MYO1D: variants seen among roughly 807,000 people sequenced by gnomAD.
MYO1D encodes unconventional myosin-Id.
A neutral mutation model predicts 122.0 loss-of-function variants in MYO1D; 83 were observed. The observed-to-expected ratio is 0.68, with a 90% confidence interval of 0.57 to 0.82. The LOEUF (loss-of-function observed/expected upper bound fraction) is 0.82, where lower values mean the gene tolerates loss of function less well. MYO1D is among the 40% of genes least tolerant of loss of function. The probability of loss-of-function intolerance (pLI) is 0.00; values close to 1 mark genes in which losing one functional copy is unlikely to be tolerated. For missense variants in MYO1D, 1,157 were observed against 1,269.5 expected (o/e 0.91, Z 1.35); for synonymous variants, 464 against 446.9 (o/e 1.04, Z -0.48).
intron 21 of MYO1D, among the ~76,000 whole-genome samples, chr17:32,540,497 A>G (rs1214071653): frequency 2.6e-5 from 4 of 152,174 alleles, no homozygotes; most frequent in African/African-American, 7.2e-5. Flanking sequence ...ATCTAAATAG[A>G]TATTTTTAAA....
chr17:32,559,834 C>T (rs1170447887), intron 21 of MYO1D, among the ~76,000 whole-genome samples: 1 of 152,106 alleles, frequency 6.6e-6, no homozygotes, highest in Non-Finnish European at 1.5e-5. Flanking sequence ...TCAATTATAT[C>T]CATTCCCAGC....
At chr17:32,770,950 T>C (rs963569342) in intron 6 of MYO1D, among the ~76,000 whole-genome samples, 175 bp downstream of exon 6, 1 of 152,212 alleles carries the variant, frequency 6.6e-6, no homozygotes, top group Non-Finnish European at 1.5e-5. Context: ...TTAAGCAAAG[T>C]TGTTGATTCA....
intron 16 of MYO1D, among the ~76,000 whole-genome samples, chr17:32,697,165 G>A (rs961719762): frequency 1.3e-5 from 2 of 152,172 alleles, no homozygotes; most frequent in Non-Finnish European, 2.9e-5. Context: ...TCTGCCCCCT[G>A]GCTGGGTTGT....
intron 1 of MYO1D, chr17:32,862,812 A>G (rs2091089089): frequency 6.6e-6 from 1 of 152,244 alleles, no homozygotes; most frequent in Non-Finnish European, 1.5e-5. Flanking sequence ...CATTACAGTG[A>G]TAGTCCATTT....
intron 16 of MYO1D, among the ~76,000 whole-genome samples, chr17:32,700,060 T>A (rs571866931): frequency 5.3e-4 from 81 of 152,196 alleles, no homozygotes; most frequent in East Asian, 9.6e-4. Flanking sequence ...TTTAAAAAAA[T>A]TTTTTTAAAC....
At chr17:32,548,404 G>T (rs1324661992) in intron 21 of MYO1D, among the ~76,000 whole-genome samples, 2 of 151,630 alleles carry the variant, frequency 1.3e-5, no homozygotes, top group African/African-American at 2.4e-5. Flanking sequence ...CTCCAGCCTG[G>T]GTGACAGAGC....
chr17:32,804,159 T>G (rs376031613), intron 1 of MYO1D, among the ~76,000 whole-genome samples: 2 of 152,302 alleles, frequency 1.3e-5, no homozygotes, highest in South Asian at 2.1e-4. Flanking sequence ...CCTGTATACT[T>G]TAAATCATCT....
Position 32,632,830 on chromosome 17 carries a change from C to G in MYO1D, c.2709+5892G>C, listed in dbSNP as rs566845427. On this transcript the variant is annotated intron_variant, in intron 20 of 21. Transcript: ENST00000318217. ...TACCTTTGTCCAACAGTAATCAAAA[C>G]AGTAACTGGCACAAGGATATCTAAC... 3.3e-5 allele frequency among the ~76,000 whole-genome samples: 5 copies of G among 152,062 alleles called. No homozygotes were observed. In the East Asian group the frequency reaches 9.7e-4, roughly 29 times the overall value.
At chr17:32,848,866 A>G (rs2090960801) in intron 1 of MYO1D, among the ~76,000 whole-genome samples, 1 of 152,174 alleles carries the variant, frequency 6.6e-6, no homozygotes, top group Admixed American at 6.5e-5. Flanking sequence ...AATAAGCCAC[A>G]TTGTAATAAA....
chr17:32,840,726 A>G (rs1283989219), intron 1 of MYO1D, among the ~76,000 whole-genome samples: 1 of 152,204 alleles, frequency 6.6e-6, no homozygotes, highest in African/African-American at 2.4e-5. Context: ...ACAGAGAGAA[A>G]GATGATTTCA....
intron 21 of MYO1D, among the ~76,000 whole-genome samples, chr17:32,569,266 A>G (rs1011092347): frequency 6.6e-6 from 1 of 152,180 alleles, no homozygotes; most frequent in Admixed American, 6.5e-5. Flanking sequence ...CAATGGGCAT[A>G]TTTCACTTCC....
intron 21 of MYO1D, among the ~76,000 whole-genome samples, chr17:32,525,452 G>GT (rs377722965): frequency 1.9e-3 from 267 of 143,090 alleles, no homozygotes; most frequent in Middle Eastern, 3.7e-3. Flanking sequence ...AATTCCTTGG[G>GT]TTTTTTTTTT....
intron 21 of MYO1D, among the ~76,000 whole-genome samples, chr17:32,524,241 C>T (rs967943213): frequency 6.6e-6 from 1 of 152,170 alleles, no homozygotes; most frequent in Non-Finnish European, 1.5e-5. Flanking sequence ...TTGCTTTTGT[C>T]TTTGGTGGAG....
chr17:32,616,621 G>GT (rs751691568), intron 20 of MYO1D, among the ~76,000 whole-genome samples: 4 of 152,002 alleles, frequency 2.6e-5, no homozygotes, highest in Non-Finnish European at 4.4e-5. Flanking sequence ...TGGTTGGCTG[G>GT]TAAGTGCATT....
At chr17:32,778,102 G>A (rs940328095) in intron 3 of MYO1D, among the ~76,000 whole-genome samples, 1 of 152,166 alleles carries the variant, frequency 6.6e-6, no homozygotes, top group African/African-American at 2.4e-5. Flanking sequence ...CAAGGAACCT[G>A]TGAGAGTTTG....
At chr17:32,619,834 G>C (rs971076327) in intron 20 of MYO1D, among the ~76,000 whole-genome samples, 2 of 152,058 alleles carry the variant, frequency 1.3e-5, no homozygotes, top group Admixed American at 6.6e-5. Flanking sequence ...AATAAAAAAA[G>C]ATTATTCACT....
intron 4 of MYO1D, among the ~76,000 whole-genome samples, chr17:32,773,549 G>A (rs1036743413): frequency 2.1e-4 from 2 of 9,588 alleles, no homozygotes; most frequent in South Asian, 3.2e-3. Flanking sequence ...CCCCGACCCC[G>A]GCCCATGTCT....
intron 1 of MYO1D, among the ~76,000 whole-genome samples, chr17:32,809,143 A>AAAC (rs1555544319): frequency 6.6e-6 from 1 of 151,584 alleles, no homozygotes; most frequent in African/African-American, 2.4e-5. Flanking sequence ...ATAAAAAAAA[A>AAAC]AAAAAAAACT....
At chr17:32,763,523 T>A (rs2090023628) in intron 8 of MYO1D, among the ~76,000 whole-genome samples, 1 of 152,174 alleles carries the variant, frequency 6.6e-6, no homozygotes, top group African/African-American at 2.4e-5. Context: ...TATGTTAAAA[T>A]ACTCTACAAA....
Sources: gnomAD v4.1 joint callset for allele counts (sites outside exome capture counted in the v4.1 genomes callset) on GRCh38, gnomAD v4.1.1 for gene constraint, MANE v1.5 for transcripts, NCBI Gene and HGNC (gene_info 2026-07-23, HGNC 2026-07-21) for gene names.